The following GPR89B variants were observed in gnomAD, a reference collection of about 807,000 sequenced individuals.
GPR89B encodes G protein-coupled receptor 89B.
In GPR89B, 25 loss-of-function variants were observed where a neutral mutation model predicts 52.4. The ratio of observed to expected loss-of-function variants is 0.48; its 90% CI spans 0.35 to 0.67. GPR89B has a LOEUF of 0.67. GPR89B is among the 30% of genes least tolerant of loss of function. The probability of loss-of-function intolerance (pLI) is 0.01; values close to 1 mark genes in which losing one functional copy is unlikely to be tolerated. For missense variants in GPR89B, 146 were observed against 450.2 expected, an observed-to-expected ratio of 0.32 and a Z score of 6.11; for synonymous variants, 52 against 151.2, an observed-to-expected ratio of 0.34 and a Z score of 4.81.
At chr1:147,959,130 A>G (rs1334806086) in intron 7 of GPR89B, among the ~76,000 whole-genome samples, 7 of 152,208 alleles carry the variant, frequency 4.6e-5, no homozygotes, top group Admixed American at 4.6e-4. Context: ...GAGATGACAT[A>G]CAAGAAAAGT....
At chr1:147,950,680 C>T (rs1447693041) in intron 5 of GPR89B, among the ~76,000 whole-genome samples, 5 of 152,196 alleles carry the variant, frequency 3.3e-5, no homozygotes, top group Non-Finnish European at 5.9e-5. Flanking sequence ...TCTGCAATCC[C>T]GGCACCTCGG....
chr1:147,993,083 AT>A lies in GPR89B; in HGVS notation c.*167del. The A allele has an allele frequency of 6.5e-7, 1 of 1,544,848 alleles. No individual in the cohort carries two copies. Among genetic ancestry groups the A allele is most frequent in the South Asian group, 1.3e-5 (1 of 79,752 alleles). ...TTCCCCCTCAGGTGATACTATGACC[AT>A]GAGTAGCATCAGCCAGAACATGAGA... is the stretch of plus-strand genomic sequence containing the variant. On this transcript the variant is annotated 3_prime_UTR_variant, in exon 14 of 14. Coordinates refer to ENST00000314163, the MANE Select transcript of GPR89B (RefSeq NM_016334.5).
chr1:147,943,575 A>G lies in GPR89B; in HGVS notation c.313+31A>G, dbSNP rs782134286. 3 of 1,612,258 alleles carry G rather than the reference A, an allele frequency of 1.9e-6. No homozygotes were observed. The South Asian group carries it at 3.3e-5, about 18-fold the overall frequency. The stretch of plus-strand genomic sequence containing the variant: ...TATTTTACCCTCTCAGTCAGCGTAT[A>G]GATTGAGATGAGTATTTGAGGGGAC... On this transcript the variant is annotated intron_variant, in intron 4 of 13. Coordinates refer to ENST00000314163, the MANE Select transcript of GPR89B (RefSeq NM_016334.5).
the GPR89B span, among the ~76,000 whole-genome samples, chr1:148,012,547 AGGAAAGTCGGGTTTG>A: frequency 8.0e-6 from 1 of 125,350 alleles, no homozygotes; most frequent in Non-Finnish European, 1.6e-5. Flanking sequence ...AAGCTGCTGG[AGGAAAGTCGGGTTTG>A]GGAGAAGACC....
the GPR89B span, among the ~76,000 whole-genome samples, chr1:148,003,511 G>A: frequency 1.6e-3 from 241 of 152,208 alleles, no homozygotes; most frequent in Middle Eastern, 6.8e-3. Flanking sequence ...AAAAACAAAC[G>A]CTACCAATTT....
chr1:147,970,491 A>ATCTCTCTCTCTCTCTCTCTCTCTCTC (rs1174595676), intron 10 of GPR89B, among the ~76,000 whole-genome samples: 27 of 105,710 alleles, frequency 2.6e-4, no homozygotes, highest in Non-Finnish European at 3.7e-4. Context: ...GTGAGACTCC[A>ATCTCTCTCTCTCTCTCTCTCTCTCTC]TCTCTCTCTC....
chr1:147,949,634 A>C (rs1216006765), intron 5 of GPR89B, among the ~76,000 whole-genome samples: 1 of 113,588 alleles, frequency 8.8e-6, no homozygotes, highest in Non-Finnish European at 1.8e-5. Flanking sequence ...TGACCCCCCC[A>C]CCTCCCTCCC....
chr1:147,929,916 T>G (rs1297196129), intron 1 of GPR89B, among the ~76,000 whole-genome samples: 1 of 152,222 alleles, frequency 6.6e-6, no homozygotes, highest in East Asian at 1.9e-4. Context: ...CTTAAAACCT[T>G]TCTAAGACTA....
chr1:147,970,542 T>C (rs1308206513), intron 10 of GPR89B, among the ~76,000 whole-genome samples: 1 of 132,026 alleles, frequency 7.6e-6, no homozygotes, highest in Non-Finnish European at 1.7e-5. Context: ...TCTATCTCTA[T>C]CTCTCTCTCT....
intron 1 of GPR89B, among the ~76,000 whole-genome samples, chr1:147,929,998 A>C (rs1451525613): frequency 6.6e-6 from 1 of 152,246 alleles, no homozygotes; most frequent in African/African-American, 2.4e-5. Context: ...AACAATATTT[A>C]ATTAGCTTTT....
intron 5 of GPR89B, among the ~76,000 whole-genome samples, chr1:147,949,371 T>C (rs1254698946): frequency 2.4e-5 from 3 of 127,048 alleles, no homozygotes; most frequent in Non-Finnish European, 3.3e-5. Flanking sequence ...CCAGACCGGG[T>C]GGCTGGCTGG....
the GPR89B span, among the ~76,000 whole-genome samples, chr1:148,012,911 T>C: frequency 2.0e-5 from 3 of 152,198 alleles, no homozygotes; most frequent in Admixed American, 6.5e-5. Flanking sequence ...TCTGCAGCAT[T>C]ATTTTTTATT....
intron 5 of GPR89B, among the ~76,000 whole-genome samples, chr1:147,950,733 C>G (rs587711869): frequency 6.7e-6 from 1 of 149,930 alleles, no homozygotes; most frequent in South Asian, 2.1e-4. Context: ...GAGCTGGAGA[C>G]CAGCCCGGCC....
chr1:147,997,875 C>T (rs1571330821), downstream of GPR89B, among the ~76,000 whole-genome samples: 1 of 152,104 alleles, frequency 6.6e-6, no homozygotes, highest in Admixed American at 6.5e-5. Flanking sequence ...TTGCCAATAC[C>T]CTCCCCTTCC....
intron 10 of GPR89B, among the ~76,000 whole-genome samples, chr1:147,985,864 A>G (rs1363257084): frequency 6.6e-6 from 1 of 152,198 alleles, no homozygotes; most frequent in East Asian, 1.9e-4. Context: ...AACCACAAGG[A>G]ATTACCCTGG....
chr1:147,993,895 G>T (rs1490603030), downstream of GPR89B: 1 of 160,590 alleles, frequency 6.2e-6, no homozygotes. Flanking sequence ...CCACAACATT[G>T]TTACAAAAGC....
chr1:147,965,640 G>A (rs2149073222), intron 7 of GPR89B, among the ~76,000 whole-genome samples: 1 of 152,070 alleles, frequency 6.6e-6, no homozygotes, highest in South Asian at 2.1e-4. Flanking sequence ...GTTTCCTGTT[G>A]ACTTATTCAC....
intron 7 of GPR89B, among the ~76,000 whole-genome samples, chr1:147,958,928 G>A (rs1372480273): frequency 4.6e-5 from 7 of 152,052 alleles, no homozygotes; most frequent in African/African-American, 1.5e-4. Context: ...ACAACACTGG[G>A]GCCCTTGGGA....
chr1:147,970,506 T>TCC (rs1558058827), intron 10 of GPR89B, among the ~76,000 whole-genome samples: 53 of 138,288 alleles, frequency 3.8e-4, no homozygotes, highest in Non-Finnish European at 4.1e-4. Flanking sequence ...TCTCTCTCTC[T>TCC]CTCTCTCTCT....
Sources: allele counts gnomAD v4.1 joint callset (sites outside exome capture counted in the v4.1 genomes callset), GRCh38; gene constraint gnomAD v4.1.1; transcripts MANE v1.5; gene names NCBI Gene and HGNC (gene_info 2026-07-23, HGNC 2026-07-21).